Variants in NPEPL1 observed in about 807,000 individuals in gnomAD.
The protein encoded by NPEPL1 is aminopeptidase like 1.
Under a neutral mutation model 52.4 loss-of-function variants are expected in NPEPL1, and 45 were observed. The ratio of observed to expected loss-of-function variants is 0.86; its 90% confidence interval spans 0.68 to 1.10. The LOEUF (loss-of-function observed/expected upper bound fraction) is 1.10. Ranked by LOEUF, NPEPL1 falls within the 50% of genes least tolerant of loss-of-function variation. NPEPL1 has a pLI of 0.00. For missense variants in NPEPL1, 696 were observed against 710.9 expected (o/e 0.98, Z 0.24); for synonymous variants, 360 against 314.7 (o/e 1.14, Z -1.52).
At position 58,701,089 on chromosome 20, in the gene NPEPL1, C is replaced by T; in HGVS notation, c.753C>T (p.Ala251=). The T allele has an allele frequency of 6.3e-7, 1 of 1,595,210 alleles. No homozygotes were observed. Among genetic ancestry groups the T allele is most frequent in the Non-Finnish European group, 8.5e-7 (1 of 1,171,792 alleles). ...LAVLSHTPDG[A]TQTIAWVGKG... ...TCCTCAGCCACACCCCAGATGGAGCCACGCAGACCATCGCCTGGGTGGGCA... is the reference window on the plus strand; with the variant it reads ...TCCTCAGCCACACCCCAGATGGAGCTACGCAGACCATCGCCTGGGTGGGCA... Residue 251 remains alanine (A), a synonymous_variant, in exon 6 of 12, where the codon GCC becomes GCT. Coordinates refer to ENST00000356091, the MANE Select transcript of NPEPL1 (RefSeq NM_024663.4).
chr20:58,703,651 A>G, intron 6 of NPEPL1: 1 of 985,374 alleles, frequency 1.0e-6, no homozygotes, highest in South Asian at 4.7e-5. Flanking sequence ...CTAGTCACTT[A>G]GGGAAAATAT....
chr20:58,696,161 C>T (rs1163024759), intron 3 of NPEPL1, among the ~76,000 whole-genome samples: 1 of 152,222 alleles, frequency 6.6e-6, no homozygotes, highest in Non-Finnish European at 1.5e-5. Context: ...GCAGGGCACC[C>T]TGACCTCTGC....
intron 5 of NPEPL1, 106 bp from the exon 6 acceptor site, chr20:58,700,910 G>GGCTCTCCAGGAGAAACACCA: frequency 8.3e-7 from 1 of 1,201,780 alleles, no homozygotes. Context: ...TCAGGCAGGC[G>GGCTCTCCAGGAGAAACACCA]GCTCTCCAGG....
At chr20:58,691,693 C>CTTTTTTTTTTTTTTTTTG, upstream of NPEPL1, 1 of 561,314 alleles carries the variant, frequency 1.8e-6, no homozygotes, top group Non-Finnish European at 2.9e-6. Context: ...TTTTTCTTTT[C>CTTTTTTTTTTTTTTTTTG]TTTTTTTTTT....
At chr20:58,690,729 T>A (rs2084330659), upstream of NPEPL1, among the ~76,000 whole-genome samples, 1 of 152,230 alleles carries the variant, frequency 6.6e-6, no homozygotes. Flanking sequence ...TTGTTCATCC[T>A]TTCTGGGGAC....
intron 6 of NPEPL1, among the ~76,000 whole-genome samples, chr20:58,702,781 A>AGAT (rs1348412942): frequency 6.6e-6 from 1 of 152,240 alleles, no homozygotes; most frequent in African/African-American, 2.4e-5. Flanking sequence ...GTGAGGCAAC[A>AGAT]GATACACAGA....
At chr20:58,703,153 G>A (rs572512720) in intron 6 of NPEPL1, among the ~76,000 whole-genome samples, 2 of 152,336 alleles carry the variant, frequency 1.3e-5, no homozygotes, top group South Asian at 4.1e-4. Context: ...ATTCTCAGAA[G>A]GAATGTGGGT....
upstream of NPEPL1, chr20:58,691,864 T>C (rs1259746997): frequency 1.5e-6 from 2 of 1,320,132 alleles, no homozygotes. Context: ...GACTCCTGGG[T>C]GGAGCTTCCC....
At chr20:58,694,716 C>CCAAA in intron 3 of NPEPL1, 124 bp downstream of exon 3, 1 of 1,068,460 alleles carries the variant, frequency 9.4e-7, no homozygotes, top group African/African-American at 1.6e-5. Flanking sequence ...TTCCCAGGAG[C>CCAAA]TTTGGTTCCT....
Position 58,707,138 on chromosome 20 carries a change from A to AT in NPEPL1, c.839dup (p.Met280IlefsTer35), listed in dbSNP as rs1166111668. On this transcript the variant is annotated frameshift_variant, in exon 7 of 12. Coordinates refer to ENST00000356091, the MANE Select transcript of NPEPL1 (RefSeq NM_024663.4). LOFTEE classifies it high-confidence loss of function. ...CCACCCGCAGACTACCATGCCGGGG[A>AT]TGAAGCGAGACTGCGGGGGTGCTGC... 1.4e-5 allele frequency: 22 copies of AT among 1,552,194 alleles called. No individual in the cohort carries two copies. The highest frequency in any genetic ancestry group is 1.9e-5 in the Non-Finnish European group (22 of 1,147,630).
chr20:58,715,164 G>A lies in NPEPL1; in HGVS notation c.1414-4G>A, dbSNP rs1359022957. 2 of 1,598,792 alleles carry A rather than the reference G, an allele frequency of 1.3e-6. No homozygotes were observed. The highest frequency in any genetic ancestry group is 1.3e-5 in the African/African-American group (1 of 74,732). ...AGAGTCTGTGTCCTGCCCTTTGCTT[G>A]CAGGGTGAGCGAGCCACAGGCTTCG... On this transcript the variant is annotated splice_region_variant and splice_polypyrimidine_tract_variant and intron_variant, in intron 11 of 11. Coordinates refer to ENST00000356091, the MANE Select transcript of NPEPL1 (RefSeq NM_024663.4).
At chr20:58,714,963 C>G (rs908020066) in intron 11 of NPEPL1, 1 of 649,186 alleles carries the variant, frequency 1.5e-6, no homozygotes, top group Non-Finnish European at 2.6e-6. Flanking sequence ...GGGCCTTGCC[C>G]CCTGCCTACG....
At chr20:58,710,775 C>G (rs1363651041) in intron 7 of NPEPL1, 2 of 152,376 alleles carry the variant, frequency 1.3e-5, no homozygotes, top group Admixed American at 6.5e-5. Flanking sequence ...GATTGGAGAA[C>G]ACCTCCAGAC....
At position 58,713,423 on chromosome 20, in the gene NPEPL1, G is replaced by A. The variant is rs774200215; in HGVS notation, c.1005G>A (p.Thr335=). The change falls in exon 9 of 12, where the codon ACG becomes ACA. Residue 335 remains threonine, a synonymous_variant. Coordinates refer to ENST00000356091, the MANE Select transcript of NPEPL1 (RefSeq NM_024663.4). The surrounding 1 kb of genome is among the most constrained non-coding windows in gnomAD (Gnocchi z 4.6). Reference sequence around the variant, plus strand: ...GGGGATCTCTACCATGCCCCAGGACGGTGGAAATCAACAACACGGATGCCG... The same window carrying A: ...GGGGATCTCTACCATGCCCCAGGACAGTGGAAATCAACAACACGGATGCCG... ...DDIHLLYSGK[T]VEINNTDAEG... is the part of the protein sequence containing the mutation. The A allele has an allele frequency of 7.5e-6, 12 of 1,605,210 alleles. No homozygotes were observed. Among genetic ancestry groups the A allele is most frequent in the South Asian group, 1.1e-5 (1 of 89,362 alleles).
chr20:58,698,249 T>C (rs989560589), intron 3 of NPEPL1, among the ~76,000 whole-genome samples: 1 of 151,472 alleles, frequency 6.6e-6, no homozygotes, highest in African/African-American at 2.4e-5. Context: ...GAAGGATGAC[T>C]GGGATCTTGG....
upstream of NPEPL1, chr20:58,691,147 T>G (rs1285339414): frequency 1.4e-6 from 1 of 703,042 alleles, no homozygotes; most frequent in Non-Finnish European, 2.6e-6. Context: ...CCTCCAGCTG[T>G]CTCAGTCCTC....
Position 58,713,602 on chromosome 20 carries a change from T to C in NPEPL1, c.1125+59T>C, listed in dbSNP as rs1442624331. On this transcript the variant is annotated intron_variant, in intron 9 of 11. Coordinates refer to ENST00000356091, the MANE Select transcript of NPEPL1 (RefSeq NM_024663.4). The surrounding 1 kb of genome is among the most constrained non-coding windows in gnomAD (Gnocchi z 4.6). ...GTCCCAGGGAACCCCACCCCACTCT[T>C]GACCTCAAGGTGGGGAAGGCAGCGC... The C allele has an allele frequency of 3.3e-6, 5 of 1,506,562 alleles. No homozygotes were observed. The East Asian group carries it at 1.2e-4, about 36-fold the overall frequency. 93.3% of individuals were successfully genotyped at this position (1,506,562 alleles called of 1,614,324 possible).
intron 6 of NPEPL1, among the ~76,000 whole-genome samples, chr20:58,706,767 G>A (rs1305224773): frequency 7.2e-5 from 11 of 152,298 alleles, no homozygotes; most frequent in Non-Finnish European, 1.0e-4. Flanking sequence ...GTCAAAGCAC[G>A]GGGTCCCTGT....
At chr20:58,709,721 C>A (rs2084799610) in intron 7 of NPEPL1, among the ~76,000 whole-genome samples, 1 of 152,194 alleles carries the variant, frequency 6.6e-6, no homozygotes, top group South Asian at 2.1e-4. Context: ...CTGCAGGATT[C>A]CCACCAAAAA....
Sources: allele counts gnomAD v4.1 joint callset (sites outside exome capture counted in the v4.1 genomes callset), GRCh38; gene constraint gnomAD v4.1.1; non-coding constraint Gnocchi (gnomAD v3.1); transcripts MANE v1.5; gene names NCBI Gene and HGNC (gene_info 2026-07-23, HGNC 2026-07-21).